FNDC1: variants seen among roughly 807,000 people sequenced by gnomAD.
The protein encoded by FNDC1 is fibronectin type III domain containing 1, also known as fibronectin type III domain-containing protein 1.
FNDC1 carries 96 observed loss-of-function variants against 168.0 expected under a neutral mutation model. The observed-to-expected ratio is 0.57, with a 90% confidence interval of 0.48 to 0.68. The LOEUF is 0.68. Among genes scored for constraint, FNDC1 ranks in the 30% least tolerant of loss-of-function variants. The pLI, the probability that FNDC1 is intolerant of heterozygous loss-of-function variation, is 0.00. For missense variants in FNDC1, 2,587 were observed against 2,482.1 expected (o/e 1.04, Z -0.90); for synonymous variants, 1,099 against 1,025.9 (o/e 1.07, Z -1.36).
intron 4 of FNDC1, among the ~76,000 whole-genome samples, chr6:159,210,200 G>C (rs1782570939): frequency 6.6e-6 from 1 of 152,250 alleles, no homozygotes; most frequent in Admixed American, 6.5e-5. Context: ...TTCCCCTGGA[G>C]AAGGTGTGAT....
intron 22 of FNDC1, among the ~76,000 whole-genome samples, 176 bp from the exon 23 acceptor site, chr6:159,271,151 C>T (rs575007089): frequency 3.0e-4 from 45 of 152,252 alleles, no homozygotes; most frequent in Admixed American, 1.0e-3. Context: ...AGGTCCTGGC[C>T]CTTCCCCAGG....
In FNDC1 at chr6:159,266,070, T is replaced by C. The variant is rs772279782; in HGVS notation, c.5285-14T>C. 1.9e-5 allele frequency: 31 copies of C among 1,612,934 alleles called. No individual in the cohort carries two copies. Among genetic ancestry groups the C allele is most frequent in the Non-Finnish European group, 1.7e-6 (2 of 1,179,430 alleles). ...GAGTGCTTACCCTTAGCAGGTGTGT[T>C]TTGTGTTGTCAAGGCGGTGAGCCTA... On this transcript the variant is annotated splice_polypyrimidine_tract_variant and intron_variant, in intron 20 of 22. Transcript: ENST00000297267.
chr6:159,253,347 C>A (rs1269968507), intron 17 of FNDC1, among the ~76,000 whole-genome samples: 2 of 152,198 alleles, frequency 1.3e-5, no homozygotes, highest in African/African-American at 2.4e-5. Flanking sequence ...ATTAGTGAAC[C>A]AAACACCGGC....
At position 159,223,521 on chromosome 6, in the gene FNDC1, A is replaced by G. The variant is rs1352726532; in HGVS notation, c.767-7A>G. On this transcript the variant is annotated splice_polypyrimidine_tract_variant and splice_region_variant and intron_variant, in intron 6 of 22. Transcript: ENST00000297267. ...AAGCCTTTCTCTGGGTCTCGTTGTC[A>G]TTTCAGAAGAGGACGAATTGGATGT... The G allele has an allele frequency of 1.7e-5, 27 of 1,600,410 alleles. No homozygotes were observed. The highest frequency in any genetic ancestry group is 2.3e-5 in the Non-Finnish European group (27 of 1,170,816).
chr6:159,259,692 A>G (rs1182060119), intron 18 of FNDC1, among the ~76,000 whole-genome samples: 2 of 152,242 alleles, frequency 1.3e-5, no homozygotes, highest in Non-Finnish European at 2.9e-5. Context: ...ATAACTCCAC[A>G]ACCACTGCAT....
chr6:159,226,004 C>G (rs573690689), intron 8 of FNDC1, among the ~76,000 whole-genome samples: 3 of 152,166 alleles, frequency 2.0e-5, no homozygotes, highest in Non-Finnish European at 4.4e-5. Flanking sequence ...TAGCATGCAT[C>G]AGTCACCATT....
chr6:159,199,856 CATT>C (rs759294057), intron 2 of FNDC1, 137 bp from the exon 3 acceptor site: 43 of 669,612 alleles, frequency 6.4e-5, no homozygotes, highest in African/African-American at 5.4e-4. Context: ...AGACATCTAT[CATT>C]ATGCTTGTCA....
At chr6:159,173,279 CCG>C (rs10564196) in intron 1 of FNDC1, among the ~76,000 whole-genome samples, 76,585 of 151,818 alleles carry the variant, frequency 0.5, 19,599 homozygotes, top group East Asian at 0.62. Flanking sequence ...GGGCTAGTCT[CCG>C]CGCTTCAGAA....
At chr6:159,260,681 C>T (rs766191569) in intron 18 of FNDC1, among the ~76,000 whole-genome samples, 7 of 152,204 alleles carry the variant, frequency 4.6e-5, no homozygotes, top group Non-Finnish European at 7.3e-5. Flanking sequence ...CCATAAGTTG[C>T]GTGGCTGCTG....
At chr6:159,185,051 T>C (rs544126486) in intron 1 of FNDC1, among the ~76,000 whole-genome samples, 1 of 82,012 alleles carries the variant, frequency 1.2e-5, no homozygotes, top group South Asian at 5.5e-4. Context: ...GGAAAGCTGG[T>C]GGTTTATATG....
At chr6:159,239,490 C>A in intron 13 of FNDC1, 27 bp from the exon 14 acceptor site, 1 of 1,545,142 alleles carries the variant, frequency 6.5e-7, no homozygotes, top group Non-Finnish European at 8.8e-7. Flanking sequence ...CACCTTGTTG[C>A]ATAGCTATTG....
intron 22 of FNDC1, among the ~76,000 whole-genome samples, chr6:159,268,798 A>G (rs1417304156): frequency 6.6e-6 from 1 of 151,440 alleles, no homozygotes. Context: ...GTATGTGTGT[A>G]TCTATCTATT....
intron 14 of FNDC1, among the ~76,000 whole-genome samples, 162 bp downstream of exon 14, chr6:159,240,119 G>A (rs1241011424): frequency 6.6e-6 from 1 of 152,180 alleles, no homozygotes; most frequent in Non-Finnish European, 1.5e-5. Context: ...ACAGTACCAT[G>A]CCACAGCTAA....
intron 4 of FNDC1, among the ~76,000 whole-genome samples, chr6:159,207,602 A>G (rs1289196053): frequency 6.6e-6 from 1 of 152,216 alleles, no homozygotes; most frequent in Non-Finnish European, 1.5e-5. Context: ...AAATTCAGAT[A>G]TTAATCCTGA....
intron 1 of FNDC1, among the ~76,000 whole-genome samples, chr6:159,173,778 T>C (rs1562624395): frequency 6.6e-6 from 1 of 152,234 alleles, no homozygotes; most frequent in African/African-American, 2.4e-5. Flanking sequence ...AAATGTGCGG[T>C]ACTGGGCAAA....
At chr6:159,176,574 T>C (rs1022984161) in intron 1 of FNDC1, among the ~76,000 whole-genome samples, 1 of 152,200 alleles carries the variant, frequency 6.6e-6, no homozygotes, top group African/African-American at 2.4e-5. Flanking sequence ...CGTGAAGTCA[T>C]GTGCAAGGAA....
At chr6:159,223,416 C>T (rs183736087) in intron 6 of FNDC1, 112 bp from the exon 7 acceptor site, 1 of 594,182 alleles carries the variant, frequency 1.7e-6, no homozygotes, top group African/African-American at 1.9e-5. Context: ...ACATTACACA[C>T]AAGCAATCTA....
chr6:159,251,539 C>T lies in FNDC1; in HGVS notation c.5065+7C>T. 1 of 1,609,996 alleles carries T rather than the reference C, an allele frequency of 6.2e-7. No individual in the cohort carries two copies. The highest frequency in any genetic ancestry group is 8.5e-7 in the Non-Finnish European group (1 of 1,177,522). On this transcript the variant is annotated splice_region_variant and intron_variant, in intron 17 of 22. Coordinates refer to ENST00000297267, the MANE Select transcript of FNDC1 (RefSeq NM_032532.3). ...CCAGGAGATGTGGTCACAGGTGTGTCCTAAGCAGAAATCAGAGTTCCCATG... is the reference window on the plus strand; with the variant it reads ...CCAGGAGATGTGGTCACAGGTGTGTTCTAAGCAGAAATCAGAGTTCCCATG...
rs116218291 is a variant in FNDC1, at chr6:159,238,787, G to A, written c.4180+122G>A. 735 of 665,710 alleles carry A rather than the reference G, an allele frequency of 1.1e-3. 7 individuals are homozygous for A. In the African/African-American group the frequency reaches 0.013, roughly 11 times the overall value. The allele number at this position is 665,710 out of a possible 1,614,324, so 41.2% of individuals were successfully genotyped here. A position where few individuals can be genotyped will look rare whatever the true frequency, so the allele number is the denominator to read the frequency against. Reference sequence around the variant, plus strand: ...TCATGGGTTAGTTACTTTTACCCATGTGAGAAGAAGAGCCTCAAAAGAGGC... The same window carrying A: ...TCATGGGTTAGTTACTTTTACCCATATGAGAAGAAGAGCCTCAAAAGAGGC... On this transcript the variant is annotated intron_variant, in intron 13 of 22. Transcript: ENST00000297267.
Sources: allele counts gnomAD v4.1 joint callset (sites outside exome capture counted in the v4.1 genomes callset), GRCh38; gene constraint gnomAD v4.1.1; transcripts MANE v1.5; gene names NCBI Gene and HGNC (gene_info 2026-07-23, HGNC 2026-07-21).